The following PCLO variants were observed in gnomAD, a reference collection of about 807,000 sequenced individuals.
PCLO encodes the protein piccolo presynaptic cytomatrix protein, also known as protein piccolo.
In PCLO, 82 loss-of-function variants were observed where a neutral mutation model predicts 427.5. The ratio of observed to expected loss-of-function variants is 0.19; its 90% CI spans 0.16 to 0.23. PCLO has a LOEUF of 0.23. Ranked by LOEUF, PCLO falls within the 10% of genes least tolerant of loss-of-function variation. The pLI is 1.00. For synonymous variants in PCLO, 2,357 were observed against 2,155.4 expected, an observed-to-expected ratio of 1.09 and a Z score of -2.59; for missense variants, 6,239 against 6,115.9, an observed-to-expected ratio of 1.02 and a Z score of -0.67.
chr7:83,002,917 CTATT>C (rs1787858479), intron 3 of PCLO, among the ~76,000 whole-genome samples: 2 of 151,492 alleles, frequency 1.3e-5, no homozygotes, highest in Admixed American at 1.3e-4. Flanking sequence ...TATATTTTCC[CTATT>C]TATATTATAA....
Position 83,134,337 on chromosome 7 carries a change from C to G in PCLO, c.3213G>C (p.Lys1071Asn). 1.9e-6 allele frequency: 3 copies of G among 1,610,618 alleles called. No individual in the cohort carries two copies. Among genetic ancestry groups the G allele is most frequent in the Non-Finnish European group, 8.5e-7 (1 of 1,178,432 alleles). The change falls in exon 3 of 25, where the codon AAG (lysine) becomes AAC (asparagine). Residue 1071 changes from lysine (K) to asparagine (N), a missense_variant. Around this residue, in one of 5 missense-constraint regions of PCLO, gnomAD observed 4,677 missense variants for 4,468.4 expected, o/e 1.05. Transcript: ENST00000333891. ...LCKTELNIGSKDPPNFNTCTE... is the reference protein window; with the variant it reads ...LCKTELNIGSNDPPNFNTCTE... The stretch of plus-strand genomic sequence containing the variant: ...TGCAAGTATTGAAGTTAGGAGGATC[C>G]TTAGAACCTATGTTGAGTTCAGTTT...
chr7:82,835,790 G>GGGCTGT, intron 15 of PCLO, 97 bp from the exon 16 acceptor site: 1 of 920,230 alleles, frequency 1.1e-6, no homozygotes, highest in Non-Finnish European at 1.7e-6. Flanking sequence ...AAGAAAACAT[G>GGGCTGT]AAAATAATAA....
chr7:83,130,011 ATT>A (rs571055268), intron 3 of PCLO, among the ~76,000 whole-genome samples: 2 of 147,602 alleles, frequency 1.4e-5, no homozygotes, highest in African/African-American at 2.5e-5. Context: ...TTATTTCCTA[ATT>A]TTTTTTTTTT....
intron 3 of PCLO, among the ~76,000 whole-genome samples, chr7:83,024,672 G>T (rs1282955825): frequency 6.6e-6 from 1 of 152,234 alleles, no homozygotes; most frequent in Non-Finnish European, 1.5e-5. Flanking sequence ...CAAACAAAAA[G>T]ACAGCAGTAA....
chr7:82,754,561 G>T lies in PCLO; in HGVS notation c.*4014C>A, dbSNP rs761516342. 1 of 151,872 alleles carries T rather than the reference G, an allele frequency of 6.6e-6. No individual in the cohort carries two copies. Among genetic ancestry groups the T allele is most frequent in the African/African-American group, 2.4e-5 (1 of 41,364 alleles). The allele number at this position is 151,872 out of a possible 1,614,324, so 9.4% of individuals were successfully genotyped here. The stretch of plus-strand genomic sequence containing the variant: ...CAAATGAAATTAATATTTCAACTTC[G>T]TCTACTTTACCAAGTGTATACTTAT... On this transcript the variant is annotated 3_prime_UTR_variant, in exon 25 of 25. Coordinates refer to ENST00000333891, the MANE Select transcript of PCLO (RefSeq NM_033026.6).
chr7:82,921,934 AT>A (rs1475374140), intron 6 of PCLO, among the ~76,000 whole-genome samples: 1 of 152,008 alleles, frequency 6.6e-6, no homozygotes, highest in African/African-American at 2.4e-5. Flanking sequence ...ATAAGTAGAC[AT>A]TTCTCAAAAG....
rs918151732 is a variant in PCLO at position 82,808,773 on chromosome 7, T to C, written c.14792-2944A>G. ...AAATGAATCTAGTTATTTGGAGTTA[T>C]CACAACAAAACATCCGGTGCTGGAT... On this transcript the variant is annotated intron_variant, in intron 20 of 24. Transcript: ENST00000333891. 2.6e-5 allele frequency among the ~76,000 whole-genome samples: 4 copies of C among 151,992 alleles called. No individual in the cohort carries two copies. The South Asian group carries it at 8.3e-4, about 32-fold the overall frequency.
intron 2 of PCLO, among the ~76,000 whole-genome samples, chr7:83,141,240 A>G (rs1791852054): frequency 6.6e-6 from 1 of 151,556 alleles, no homozygotes; most frequent in African/African-American, 2.4e-5. Flanking sequence ...GTCCTGAAAC[A>G]ACTCTTAGTT....
chr7:82,877,992 TTTAG>T (rs1793415884), intron 10 of PCLO, among the ~76,000 whole-genome samples: 3 of 152,264 alleles, frequency 2.0e-5, no homozygotes, highest in Middle Eastern at 6.8e-3. Context: ...ACAATATGCT[TTTAG>T]TTATTTATTT....
At chr7:83,024,205 TA>T (rs1788420625) in intron 3 of PCLO, among the ~76,000 whole-genome samples, 1 of 152,136 alleles carries the variant, frequency 6.6e-6, no homozygotes, top group Admixed American at 6.5e-5. Context: ...GGGTTCATCT[TA>T]CTAGGGAGTG....
intron 6 of PCLO, among the ~76,000 whole-genome samples, chr7:82,928,230 T>C (rs6958057): frequency 0.16 from 25,008 of 152,138 alleles, 3,557 homozygotes; most frequent in African/African-American, 0.38. Context: ...CATTCAAGTG[T>C]TTGCTATATG....
chr7:82,941,837 T>A (rs1015647567), intron 6 of PCLO, among the ~76,000 whole-genome samples: 1 of 152,168 alleles, frequency 6.6e-6, no homozygotes, highest in Non-Finnish European at 1.5e-5. Flanking sequence ...TAATTTAGCA[T>A]AATATAGAAT....
chr7:83,156,449 A>G lies in PCLO; in HGVS notation c.249-57T>C, dbSNP rs969172022. 1.9e-5 allele frequency: 21 copies of G among 1,108,916 alleles called. No individual in the cohort carries two copies. In the African/African-American group the frequency reaches 3.2e-4, roughly 17 times the overall value. 68.7% of individuals were successfully genotyped at this position (1,108,916 alleles called of 1,614,324 possible). A position where few individuals can be genotyped will look rare whatever the true frequency, so the allele number is the denominator to read the frequency against. On this transcript the variant is annotated intron_variant, in intron 1 of 24. Coordinates refer to ENST00000333891, the MANE Select transcript of PCLO (RefSeq NM_033026.6). Reference sequence around the variant, plus strand: ...AGTGAAAATAATGGAAATTATTTCAAATCAAAGTAATACAAAAAACCTATT... The same window carrying G: ...AGTGAAAATAATGGAAATTATTTCAGATCAAAGTAATACAAAAAACCTATT...
intron 3 of PCLO, among the ~76,000 whole-genome samples, chr7:83,045,401 C>T (rs377646561): frequency 1.3e-5 from 2 of 152,288 alleles, no homozygotes; most frequent in African/African-American, 4.8e-5. Context: ...ATAAGTTCTA[C>T]TCATTCTTTA....
chr7:82,998,510 C>T (rs1787691123), intron 3 of PCLO, among the ~76,000 whole-genome samples: 1 of 151,882 alleles, frequency 6.6e-6, no homozygotes, highest in Non-Finnish European at 1.5e-5. Flanking sequence ...ATAGCCAACT[C>T]CAGCCAGCTC....
At chr7:82,938,126 A>G (rs1482119249) in intron 6 of PCLO, among the ~76,000 whole-genome samples, 2 of 151,936 alleles carry the variant, frequency 1.3e-5, no homozygotes, top group South Asian at 2.1e-4. Context: ...TGCAAGAGCC[A>G]TTCTCTTCAA....
chr7:82,853,227 C>G (rs985297988), intron 10 of PCLO, among the ~76,000 whole-genome samples: 1 of 151,918 alleles, frequency 6.6e-6, no homozygotes, highest in African/African-American at 2.4e-5. Flanking sequence ...ATGGTTCAAA[C>G]AAAACTTAAA....
At chr7:82,800,928 T>C (rs982386300) in intron 22 of PCLO, among the ~76,000 whole-genome samples, 1 of 152,140 alleles carries the variant, frequency 6.6e-6, no homozygotes, top group South Asian at 2.1e-4. Flanking sequence ...GGTAAGCTTG[T>C]CATCGTAAAG....
intron 6 of PCLO, among the ~76,000 whole-genome samples, chr7:82,925,225 T>C (rs944473064): frequency 2.0e-5 from 3 of 152,144 alleles, no homozygotes; most frequent in Admixed American, 2.0e-4. Flanking sequence ...TCTTAAGCAT[T>C]GGGAAGGGAA....
Sources: gnomAD v4.1 joint callset for allele counts (sites outside exome capture counted in the v4.1 genomes callset) on GRCh38, gnomAD v4.1.1 for gene constraint, gnomAD v4.1.1 regional missense constraint, MANE v1.5 for transcripts, NCBI Gene and HGNC (gene_info 2026-07-23, HGNC 2026-07-21) for gene names.